MPPE1: variants seen among roughly 807,000 people sequenced by gnomAD.
The protein encoded by MPPE1 is metallophosphoesterase 1.
In MPPE1, 28 loss-of-function variants were observed where a neutral mutation model predicts 43.8. That is an observed-to-expected ratio of 0.64 (90% CI 0.47 to 0.88). MPPE1 has a LOEUF of 0.88. MPPE1 is among the 40% of genes least tolerant of loss of function. The pLI, the probability that MPPE1 is intolerant of heterozygous loss-of-function variation, is 0.00. For missense variants in MPPE1, 428 were observed against 492.2 expected (o/e 0.87, Z 1.23); for synonymous variants, 159 against 188.5 (o/e 0.84, Z 1.28).
In MPPE1 at chr18:11,884,124, T is replaced by C; in HGVS notation, c.*321A>G. 3.9e-6 allele frequency: 1 copy of C among 253,294 alleles called. No homozygotes were observed. Among genetic ancestry groups the C allele is most frequent in the East Asian group, 8.7e-5 (1 of 11,514 alleles). 15.7% of individuals were successfully genotyped at this position (253,294 alleles called of 1,614,324 possible). ...AGTGTGTGCTGGGGCCACCAGGCCC[T>C]TCCTGGGGGAACAAGGACTGTCGTG... On this transcript the variant is annotated 3_prime_UTR_variant, in exon 11 of 11. Transcript: ENST00000588072.
At chr18:11,907,298 C>T (rs2143540450) in intron 1 of MPPE1, among the ~76,000 whole-genome samples, 1 of 152,262 alleles carries the variant, frequency 6.6e-6, no homozygotes, top group Admixed American at 6.5e-5. Flanking sequence ...ACCCGGAAAC[C>T]CCCGACCCAC....
In MPPE1 at chr18:11,886,741, AG is replaced by A; in HGVS notation, c.715del (p.Leu239CysfsTer120). 5 of 1,613,500 alleles carry A rather than the reference AG, an allele frequency of 3.1e-6. No homozygotes were observed. The highest frequency in any genetic ancestry group is 4.2e-6 in the Non-Finnish European group (5 of 1,179,954). On this transcript the variant is annotated frameshift_variant, in exon 8 of 11. Coordinates refer to ENST00000588072, the MANE Select transcript of MPPE1 (RefSeq NM_023075.6). LOFTEE classifies it high-confidence loss of function. This position sits in a 1 kb window ranked among gnomAD's most constrained non-coding sequence, Gnocchi z 4.1. Reference sequence around the variant, plus strand: ...CAGGAGGACAGGGGCAGACGTGGGCAGCAGAGGCCCAGGTCCACACCGGCTG... The same window carrying A: ...CAGGAGGACAGGGGCAGACGTGGGCACAGAGGCCCAGGTCCACACCGGCTG... ...GSSRCGPGPLLPTSAPVLLQH... is the reference protein window; with the variant it reads ...GSSRCGPGPLXPTSAPVLLQH...
chr18:11,898,104 T>C (rs1261473551), intron 2 of MPPE1, among the ~76,000 whole-genome samples: 7 of 152,214 alleles, frequency 4.6e-5, no homozygotes, highest in East Asian at 1.9e-4. Flanking sequence ...GGGTCTCCCC[T>C]GTCACCCAGG....
At chr18:11,905,085 T>C (rs910974565) in intron 2 of MPPE1, 1 of 151,450 alleles carries the variant, frequency 6.6e-6, no homozygotes, top group African/African-American at 2.4e-5. Flanking sequence ...GGCAGGGAGA[T>C]CACTTGAGGC....
In MPPE1 at chr18:11,890,136, G is replaced by T. The variant is rs1366627746; in HGVS notation, c.391-646C>A. On this transcript the variant is annotated intron_variant, in intron 4 of 10. Coordinates refer to ENST00000588072, the MANE Select transcript of MPPE1 (RefSeq NM_023075.6). ...TTTTTGTATTTTTAGTAGAGACGGG[G>T]TTTCACTGTGTTAGCCAGGATGGTC... is the stretch of plus-strand genomic sequence containing the variant. Among the ~76,000 whole-genome samples, 7 of 150,654 alleles carry T rather than the reference G, an allele frequency of 4.6e-5. No individual in the cohort carries two copies. In the South Asian group the frequency reaches 1.5e-3, roughly 32 times the overall value.
At chr18:11,884,844 A>G in intron 10 of MPPE1, 1 of 1,376,892 alleles carries the variant, frequency 7.3e-7, no homozygotes, top group East Asian at 2.9e-5. Context: ...GTAAGGCCCA[A>G]GTGTGCCTGA....
intron 2 of MPPE1, among the ~76,000 whole-genome samples, chr18:11,903,542 C>G (rs1174290117): frequency 6.6e-6 from 1 of 152,208 alleles, no homozygotes; most frequent in Non-Finnish European, 1.5e-5. Context: ...CACGGTGGCT[C>G]ACGCCTGTAA....
intron 4 of MPPE1, chr18:11,892,947 C>T (rs2144406255): frequency 6.5e-6 from 1 of 153,438 alleles, no homozygotes; most frequent in East Asian, 1.9e-4. Context: ...GGTCTCAGCC[C>T]CCTCTGAAAG....
At chr18:11,896,840 A>G in intron 3 of MPPE1, 144 bp downstream of exon 3, 2 of 777,336 alleles carry the variant, frequency 2.6e-6, no homozygotes, top group Non-Finnish European at 4.1e-6. Flanking sequence ...GGTAAATTCA[A>G]GGAAAAGTCA....
chr18:11,889,518 G>C (rs1011246306), intron 4 of MPPE1, 28 bp from the exon 5 acceptor site: 51 of 1,545,906 alleles, frequency 3.3e-5, no homozygotes, highest in Non-Finnish European at 4.4e-5. Flanking sequence ...ACTGCTGAGA[G>C]CCAGAGAACC....
At chr18:11,906,138 A>T (rs1257789748) in intron 2 of MPPE1, 65 bp downstream of exon 2, 1 of 152,222 alleles carries the variant, frequency 6.6e-6, no homozygotes, top group East Asian at 1.9e-4. Flanking sequence ...ATGGAAAGGC[A>T]GAGATGCACC....
At chr18:11,900,641 C>G (rs557384080) in intron 2 of MPPE1, among the ~76,000 whole-genome samples, 51 of 152,212 alleles carry the variant, frequency 3.4e-4, no homozygotes, top group Admixed American at 7.9e-4. Flanking sequence ...GGCACAGTGG[C>G]TCACACCTGT....
chr18:11,884,241 G>A lies in MPPE1; in HGVS notation c.*204C>T. 1 of 553,986 alleles carries A rather than the reference G, an allele frequency of 1.8e-6. No individual in the cohort carries two copies. Among genetic ancestry groups the A allele is most frequent in the Non-Finnish European group, 3.2e-6 (1 of 311,124 alleles). 34.3% of individuals were successfully genotyped at this position (553,986 alleles called of 1,614,324 possible). A position where few individuals can be genotyped will look rare whatever the true frequency, so the allele number is the denominator to read the frequency against. On this transcript the variant is annotated 3_prime_UTR_variant, in exon 11 of 11. Transcript: ENST00000588072. ...TTGATAAAAATGAGAAAACAGATTT[G>A]TTGTAGAGTACCTGTCCACTTTTAT...
At chr18:11,885,877 C>T in intron 9 of MPPE1, 61 bp from the exon 10 acceptor site, 3 of 1,503,414 alleles carry the variant, frequency 2.0e-6, no homozygotes, top group South Asian at 1.3e-5. Context: ...CAGGCTCTCA[C>T]CGCTCAGCAG....
rs1157676602 is a variant in MPPE1, at chr18:11,885,269, CTT to C, written c.1008+405_1008+406del. ...GCCCAGTGGTCATTAAGTGAAACAT[CTT>C]TTATCAACCTGCAAAAGCTGCAGCG... On this transcript the variant is annotated intron_variant, in intron 10 of 10. Transcript: ENST00000588072. The C allele has an allele frequency of 1.1e-5, 3 of 271,992 alleles. No homozygotes were observed. The East Asian group carries it at 3.5e-4, about 32-fold the overall frequency. The allele number at this position is 271,992 out of a possible 1,614,324, so 16.8% of individuals were successfully genotyped here.
rs1444470943 is a variant in MPPE1 at position 11,889,624 on chromosome 18, G to GCGAT, written c.391-138_391-135dup. On this transcript the variant is annotated intron_variant, in intron 4 of 10. Transcript: ENST00000588072. ...TGTCTCCAGGCTGAAGTGCAGTGGT[G>GCGAT]CGATCTCTGCTCACTGCAACCTCCA... 21 of 565,982 alleles carry GCGAT rather than the reference G, an allele frequency of 3.7e-5. No homozygotes were observed. The East Asian group carries it at 5.7e-4, about 15-fold the overall frequency. 35.1% of individuals were successfully genotyped at this position (565,982 alleles called of 1,614,324 possible).
At chr18:11,889,980 TTG>T (rs2037789395) in intron 4 of MPPE1, among the ~76,000 whole-genome samples, 1 of 150,972 alleles carries the variant, frequency 6.6e-6, no homozygotes, top group African/African-American at 2.4e-5. Flanking sequence ...TCTCGCTCTG[TTG>T]CCCAGGCTGG....
Position 11,883,683 on chromosome 18 carries a change from T to G in MPPE1, c.*762A>C, listed in dbSNP as rs1328911218. 6.6e-6 allele frequency: 1 copy of G among 151,964 alleles called. No homozygotes were observed. The highest frequency in any genetic ancestry group is 1.5e-5 in the Non-Finnish European group (1 of 67,996). The allele number at this position is 151,964 out of a possible 1,614,324, so 9.4% of individuals were successfully genotyped here. ...AAAACAATATGTTCTGCACATCACA[T>G]CTGTACTTTTTTTTTTTTAAATATA... On this transcript the variant is annotated 3_prime_UTR_variant, in exon 11 of 11. Transcript: ENST00000588072.
In MPPE1 at chr18:11,882,946, A is replaced by C. The variant is rs2036743910; in HGVS notation, c.*1499T>G. The C allele has an allele frequency of 6.8e-6, 1 of 146,922 alleles. No homozygotes were observed. Among genetic ancestry groups the C allele is most frequent in the Non-Finnish European group, 1.5e-5 (1 of 65,784 alleles). 9.1% of individuals were successfully genotyped at this position (146,922 alleles called of 1,614,324 possible). A position where few individuals can be genotyped will look rare whatever the true frequency, so the allele number is the denominator to read the frequency against. The stretch of plus-strand genomic sequence containing the variant: ...TATTCTAGCTGTAGCCACAGAGTTG[A>C]GGGTAGTTTTTGTAGGTCTAAAATA... On this transcript the variant is annotated 3_prime_UTR_variant, in exon 11 of 11. Transcript: ENST00000588072.
Sources: gnomAD v4.1 joint callset for allele counts (sites outside exome capture counted in the v4.1 genomes callset) on GRCh38, gnomAD v4.1.1 for gene constraint, Gnocchi (gnomAD v3.1) non-coding constraint, MANE v1.5 for transcripts, NCBI Gene and HGNC (gene_info 2026-07-23, HGNC 2026-07-21) for gene names.